SCD5: variants seen among roughly 807,000 people sequenced by gnomAD.
The protein encoded by SCD5 is acyl-CoA-desaturase 4.
A neutral mutation model predicts 30.4 loss-of-function variants in SCD5; 20 were observed. The observed-to-expected ratio is 0.66, with a 90% CI of 0.46 to 0.96. The LOEUF (loss-of-function observed/expected upper bound fraction) is 0.96, where lower values mean the gene tolerates loss of function less well. Ranked by LOEUF, SCD5 falls within the 40% of genes least tolerant of loss-of-function variation. The pLI is 0.00. For synonymous variants in SCD5, 173 were observed against 176.4 expected, an observed-to-expected ratio of 0.98 and a Z score of 0.16; for missense variants, 381 against 443.3, an observed-to-expected ratio of 0.86 and a Z score of 1.26.
chr4:82,661,691 T>C (rs972161005), intron 3 of SCD5, among the ~76,000 whole-genome samples: 3 of 152,214 alleles, frequency 2.0e-5, no homozygotes, highest in African/African-American at 7.2e-5. Context: ...TAAACAAATT[T>C]TTCTCCTATG....
intron 1 of SCD5, chr4:82,753,303 C>CT: frequency 2.0e-6 from 1 of 509,078 alleles, no homozygotes; most frequent in South Asian, 1.4e-5. Flanking sequence ...TAAAAGCTCC[C>CT]TGGGGTGGGG....
chr4:82,708,336 C>T (rs190934958), intron 1 of SCD5, among the ~76,000 whole-genome samples: 5 of 152,158 alleles, frequency 3.3e-5, no homozygotes, highest in Admixed American at 1.3e-4. Flanking sequence ...AAAATAGACC[C>T]GTCCCAAAAC....
At position 82,708,306 on chromosome 4, in the gene SCD5, A is replaced by G. The variant is rs537025577; in HGVS notation, c.233-2893T>C. On this transcript the variant is annotated intron_variant, in intron 1 of 4. Transcript: ENST00000319540. ...TTCCCATTGGATTTTGTTATTATAT[A>G]TATTTTCTTACTGTAAAATAAAATA... is the stretch of plus-strand genomic sequence containing the variant. Among the ~76,000 whole-genome samples, 5 of 152,316 alleles carry G rather than the reference A, an allele frequency of 3.3e-5. 1 individual carries two copies. The South Asian group carries it at 6.2e-4, about 19-fold the overall frequency.
intron 1 of SCD5, among the ~76,000 whole-genome samples, chr4:82,790,545 CT>C (rs759376477): frequency 4.1e-4 from 62 of 152,172 alleles, no homozygotes; most frequent in Non-Finnish European, 6.2e-4. Flanking sequence ...CTCCACTTGG[CT>C]CCTACCTTTG....
At chr4:82,755,123 G>A (rs1721206318) in intron 1 of SCD5, among the ~76,000 whole-genome samples, 1 of 138,876 alleles carries the variant, frequency 7.2e-6, no homozygotes, top group Non-Finnish European at 1.5e-5. Flanking sequence ...GATGGGGGGT[G>A]AGGATGGGGG....
chr4:82,723,627 C>A (rs1392664743), intron 1 of SCD5, among the ~76,000 whole-genome samples: 2 of 152,160 alleles, frequency 1.3e-5, no homozygotes, highest in Non-Finnish European at 2.9e-5. Flanking sequence ...AGGCAATTGA[C>A]ACCTTCTGAT....
intron 3 of SCD5, among the ~76,000 whole-genome samples, chr4:82,666,988 T>A (rs997332773): frequency 2.6e-5 from 4 of 152,078 alleles, no homozygotes; most frequent in African/African-American, 4.8e-5. Flanking sequence ...ATACATATTT[T>A]AAAAAAATAA....
intron 1 of SCD5, among the ~76,000 whole-genome samples, chr4:82,753,785 A>AC (rs746974213): frequency 6.6e-6 from 1 of 151,428 alleles, no homozygotes; most frequent in Non-Finnish European, 1.5e-5. Context: ...GCCAGCACAT[A>AC]CCCCCCTGAC....
At chr4:82,749,346 G>C (rs768024345) in intron 1 of SCD5, among the ~76,000 whole-genome samples, 11 of 152,164 alleles carry the variant, frequency 7.2e-5, no homozygotes, top group Non-Finnish European at 1.5e-4. Context: ...CTCTCACCCT[G>C]GTAGGGAAAA....
intron 1 of SCD5, among the ~76,000 whole-genome samples, chr4:82,792,292 G>A (rs553179833): frequency 6.6e-6 from 1 of 152,190 alleles, no homozygotes; most frequent in Admixed American, 6.5e-5. Flanking sequence ...CCTTACATTT[G>A]AGTCACAAGT....
At chr4:82,719,508 C>CTTTT (rs10635133) in intron 1 of SCD5, among the ~76,000 whole-genome samples, 9 of 142,246 alleles carry the variant, frequency 6.3e-5, no homozygotes, top group South Asian at 2.2e-4. Flanking sequence ...ATATGATTTT[C>CTTTT]TTTTTTTTTT....
chr4:82,636,643 A>G lies in SCD5; in HGVS notation c.750T>C (p.Tyr250=). 6.2e-7 allele frequency: 1 copy of G among 1,614,186 alleles called. No homozygotes were observed. ...SAAHMYGNRP[Y]DKHISPRQNP... is the part of the protein sequence containing the mutation. ...TCTGCCGAGGGCTGATGTGCTTGTC[A>G]TAGGGCCGGTTTCCATACATGTGGG... Residue 250 remains tyrosine, a synonymous_variant, in exon 4 of 5, where the codon TAT becomes TAC. Transcript: ENST00000319540.
intron 1 of SCD5, among the ~76,000 whole-genome samples, chr4:82,733,204 C>T (rs6827594): frequency 0.18 from 27,372 of 152,122 alleles, 2,727 homozygotes; most frequent in African/African-American, 0.26. Flanking sequence ...AGGCTCTCCA[C>T]GCACACGCCC....
chr4:82,767,922 T>G (rs1490336288), intron 1 of SCD5, among the ~76,000 whole-genome samples: 3 of 152,160 alleles, frequency 2.0e-5, no homozygotes, highest in Non-Finnish European at 4.4e-5. Context: ...GAGGCATAAA[T>G]GTACTCCCAC....
chr4:82,793,090 G>A (rs1455989643), intron 1 of SCD5, among the ~76,000 whole-genome samples: 1 of 152,178 alleles, frequency 6.6e-6, no homozygotes, highest in Non-Finnish European at 1.5e-5. Flanking sequence ...TGTTAAAAAT[G>A]CAAGAGTTGT....
intron 3 of SCD5, among the ~76,000 whole-genome samples, chr4:82,671,161 G>T (rs756327433): frequency 6.6e-6 from 1 of 152,132 alleles, no homozygotes; most frequent in African/African-American, 2.4e-5. Flanking sequence ...ATTACGTAAC[G>T]ATATAGGGGT....
chr4:82,704,555 G>A (rs751874817), intron 2 of SCD5, among the ~76,000 whole-genome samples: 7 of 152,174 alleles, frequency 4.6e-5, no homozygotes, highest in African/African-American at 1.2e-4. Context: ...AGTGATGACC[G>A]TCTCTTACAT....
intron 1 of SCD5, among the ~76,000 whole-genome samples, chr4:82,738,256 C>T (rs980226821): frequency 6.6e-6 from 1 of 152,094 alleles, no homozygotes; most frequent in South Asian, 2.1e-4. Context: ...AACCCTGTCG[C>T]TACTAAAAAT....
At chr4:82,759,530 G>C (rs1354133169) in intron 1 of SCD5, among the ~76,000 whole-genome samples, 5 of 151,722 alleles carry the variant, frequency 3.3e-5, no homozygotes, top group Non-Finnish European at 7.4e-5. Context: ...CTCTGCTCAG[G>C]ATCATTTCAG....
Sources: allele counts gnomAD v4.1 joint callset (sites outside exome capture counted in the v4.1 genomes callset), GRCh38; gene constraint gnomAD v4.1.1; transcripts MANE v1.5; gene names NCBI Gene and HGNC (gene_info 2026-07-23, HGNC 2026-07-21).